Variants in H2BN1 observed in about 807,000 individuals in gnomAD.
H2BN1 encodes histone H2B.N.
the H2BN1 span, among the ~76,000 whole-genome samples, chr17:32,896,207 C>T: frequency 2.1e-3 from 318 of 152,290 alleles, 3 homozygotes; most frequent in African/African-American, 7.4e-3. Flanking sequence ...TGAGCCACTG[C>T]GCCTGGCCTA....
At chr17:32,899,774 A>G in the H2BN1 span, among the ~76,000 whole-genome samples, 1 of 152,244 alleles carries the variant, frequency 6.6e-6, no homozygotes, top group Non-Finnish European at 1.5e-5. Flanking sequence ...CTCAAAGGAA[A>G]AGTTTCCTTG....
At chr17:32,900,701 C>G in the H2BN1 span, among the ~76,000 whole-genome samples, 1 of 151,974 alleles carries the variant, frequency 6.6e-6, no homozygotes, top group Non-Finnish European at 1.5e-5. Context: ...CCTGCCTCAG[C>G]CTCCTAAGTA....
chr17:32,905,195 G>C, the H2BN1 span, among the ~76,000 whole-genome samples: 1 of 152,182 alleles, frequency 6.6e-6, no homozygotes, highest in Non-Finnish European at 1.5e-5. Flanking sequence ...CTGTAAACAG[G>C]AAATCTTGCC....
At chr17:32,903,278 T>C in the H2BN1 span, among the ~76,000 whole-genome samples, 1 of 151,338 alleles carries the variant, frequency 6.6e-6, no homozygotes, top group Non-Finnish European at 1.5e-5. Context: ...CATAAAAAAC[T>C]TTTTTTTTCC....
the H2BN1 span, among the ~76,000 whole-genome samples, chr17:32,900,940 A>T: frequency 6.6e-6 from 1 of 151,684 alleles, no homozygotes; most frequent in South Asian, 2.1e-4. Context: ...AGGTGTGGTG[A>T]CTCAAGCCTG....
At chr17:32,903,974 C>G in the H2BN1 span, among the ~76,000 whole-genome samples, 2 of 152,324 alleles carry the variant, frequency 1.3e-5, no homozygotes, top group Non-Finnish European at 2.9e-5. Context: ...CACCCTCTTA[C>G]GTGTCTCAGT....
At chr17:32,897,358 T>TACACACACACACACACACACACACAC in the H2BN1 span, among the ~76,000 whole-genome samples, 8 of 123,952 alleles carry the variant, frequency 6.5e-5, no homozygotes, top group African/African-American at 2.2e-4. Flanking sequence ...CTCTCTGTCT[T>TACACACACACACACACACACACACAC]ACACACACAC....
the H2BN1 span, chr17:32,905,599 T>C: frequency 2.0e-5 from 3 of 152,322 alleles, no homozygotes; most frequent in African/African-American, 7.2e-5. Context: ...TGACACAGTC[T>C]CAGGAGGCTC....
At chr17:32,902,818 C>T in the H2BN1 span, among the ~76,000 whole-genome samples, 77 of 147,614 alleles carry the variant, frequency 5.2e-4, no homozygotes, top group Middle Eastern at 3.5e-3. Flanking sequence ...CCAGCCTGGG[C>T]GACAGAGCGA....
At chr17:32,905,969 C>G in the H2BN1 span, among the ~76,000 whole-genome samples, 1 of 152,136 alleles carries the variant, frequency 6.6e-6, no homozygotes, top group African/African-American at 2.4e-5. Context: ...GTTTATTTTC[C>G]TTTTACAGTA....
chr17:32,900,132 T>A, the H2BN1 span, among the ~76,000 whole-genome samples: 1 of 152,244 alleles, frequency 6.6e-6, no homozygotes, highest in African/African-American at 2.4e-5. Flanking sequence ...ATAACAATTA[T>A]AATTACTGAT....
the H2BN1 span, among the ~76,000 whole-genome samples, chr17:32,899,883 T>C: frequency 6.6e-6 from 1 of 152,210 alleles, no homozygotes; most frequent in African/African-American, 2.4e-5. Context: ...TTATAAACAT[T>C]TCCGTTTTCC....
At chr17:32,905,929 T>C in the H2BN1 span, 8 of 152,248 alleles carry the variant, frequency 5.3e-5, no homozygotes, top group Non-Finnish European at 1.0e-4. Flanking sequence ...TTTGGCTTTT[T>C]CCTTTAGTTT....
chr17:32,896,453 G>A, the H2BN1 span, among the ~76,000 whole-genome samples: 2 of 152,252 alleles, frequency 1.3e-5, no homozygotes, highest in East Asian at 1.9e-4. Context: ...CAAAAGCTGG[G>A]AAGATTCAAA....
At chr17:32,895,546 G>A in the H2BN1 span, among the ~76,000 whole-genome samples, 2 of 152,172 alleles carry the variant, frequency 1.3e-5, no homozygotes, top group African/African-American at 2.4e-5. Flanking sequence ...AGAAGAGGAG[G>A]TGGAGAAAGA....
chr17:32,904,269 A>G, the H2BN1 span, among the ~76,000 whole-genome samples: 1 of 152,220 alleles, frequency 6.6e-6, no homozygotes, highest in Admixed American at 6.5e-5. Context: ...TTCCTCATGT[A>G]AATGTACACA....
the H2BN1 span, among the ~76,000 whole-genome samples, chr17:32,895,524 C>T: frequency 1.3e-5 from 2 of 152,128 alleles, no homozygotes; most frequent in Non-Finnish European, 2.9e-5. Context: ...TGGGCCAACT[C>T]AGCCACTGGG....
the H2BN1 span, among the ~76,000 whole-genome samples, chr17:32,898,579 T>C: frequency 1.3e-5 from 2 of 152,328 alleles, no homozygotes; most frequent in Admixed American, 6.5e-5. Context: ...TTTTTTAAAA[T>C]CTTTTGGAGA....
At chr17:32,902,447 T>C in the H2BN1 span, among the ~76,000 whole-genome samples, 7 of 152,328 alleles carry the variant, frequency 4.6e-5, no homozygotes, top group Middle Eastern at 3.4e-3. Flanking sequence ...TTACTGCCTG[T>C]AGACTAGACC....
Sources: allele counts gnomAD v4.1 joint callset (sites outside exome capture counted in the v4.1 genomes callset), GRCh38; gene constraint gnomAD v4.1.1; transcripts MANE v1.5; gene names NCBI Gene and HGNC (gene_info 2026-07-23, HGNC 2026-07-21).